COL4A1: variants seen among roughly 807,000 people sequenced by gnomAD.
COL4A1 encodes collagen type IV alpha 1 chain.
In COL4A1, 40 loss-of-function variants were observed where a neutral mutation model predicts 216.6. The observed-to-expected ratio is 0.18, with a 90% CI of 0.14 to 0.24. COL4A1 has a LOEUF of 0.24. Among genes scored for constraint, COL4A1 ranks in the 10% least tolerant of loss-of-function variants. The pLI is 1.00. For synonymous variants in COL4A1, 839 were observed against 810.7 expected, an observed-to-expected ratio of 1.03 and a Z score of -0.59; for missense variants, 1,628 against 2,196.8, an observed-to-expected ratio of 0.74 and a Z score of 5.18.
Position 110,174,551 on chromosome 13 carries a change from A to C in COL4A1, c.3326-25T>G, listed in dbSNP as rs751683978. 4 of 1,614,004 alleles carry C rather than the reference A, an allele frequency of 2.5e-6. No individual in the cohort carries two copies. The East Asian group carries it at 6.7e-5, about 27-fold the overall frequency. ...CCTAAAGAAAAAAACAAAACACCAG[A>C]ACATCCATAAGTTTGGGCTTTTCTT... On this transcript the variant is annotated intron_variant, in intron 38 of 51. Coordinates refer to ENST00000375820, the MANE Select transcript of COL4A1 (RefSeq NM_001845.6).
intron 1 of COL4A1, among the ~76,000 whole-genome samples, chr13:110,247,989 T>C (rs1045206340): frequency 5.9e-5 from 9 of 152,108 alleles, no homozygotes; most frequent in Non-Finnish European, 1.2e-4. Flanking sequence ...TGATGGAAGA[T>C]AGACCTTTAA....
At chr13:110,301,198 G>C (rs9521685) in intron 1 of COL4A1, among the ~76,000 whole-genome samples, 56,491 of 152,152 alleles carry the variant, frequency 0.37, 11,227 homozygotes, top group Middle Eastern at 0.51. Context: ...GGGGTGGACA[G>C]TGTAAGCCAG....
intron 1 of COL4A1, among the ~76,000 whole-genome samples, chr13:110,244,311 GA>G (rs1881693472): frequency 6.6e-6 from 1 of 152,134 alleles, no homozygotes; most frequent in South Asian, 2.1e-4. Context: ...TTATATTTTG[GA>G]AATGGGGACA....
intron 1 of COL4A1, among the ~76,000 whole-genome samples, chr13:110,261,940 G>A (rs1478080657): frequency 6.6e-6 from 1 of 152,210 alleles, no homozygotes; most frequent in East Asian, 1.9e-4. Flanking sequence ...GCACAGGGCA[G>A]GTGGGCACAG....
intron 1 of COL4A1, among the ~76,000 whole-genome samples, chr13:110,276,061 C>A (rs183685220): frequency 6.6e-6 from 1 of 151,894 alleles, no homozygotes; most frequent in Non-Finnish European, 1.5e-5. Context: ...GAACTATGGA[C>A]GGGGGATAGT....
In COL4A1 at chr13:110,176,678, C is replaced by A. The variant is rs570534431; in HGVS notation, c.2916G>T (p.Gly972=). 6.2e-7 allele frequency: 1 copy of A among 1,614,158 alleles called. No homozygotes were observed. Among genetic ancestry groups the A allele is most frequent in the East Asian group, 2.2e-5 (1 of 44,882 alleles). The change falls in exon 35 of 52, where the codon GGG becomes GGT. Residue 972 remains glycine, a synonymous_variant. Transcript: ENST00000375820. ...IGEKGSRGDP[G]TPGVPGKDGQ... ...CGTCCTTTCCAGGCACTCCTGGGGTCCCAGGGTCTCCTCGGGATCCCTTCT... is the reference window on the plus strand; with the variant it reads ...CGTCCTTTCCAGGCACTCCTGGGGTACCAGGGTCTCCTCGGGATCCCTTCT...
In COL4A1 at chr13:110,268,301, C is replaced by T. The variant is rs1883118070; in HGVS notation, c.85-25567G>A. Reference sequence around the variant, plus strand: ...CACTCCTGTGATGAGCACTCTGATGCCTGTCGTGCCAGGCTCAGGAGCTTG... The same window carrying T: ...CACTCCTGTGATGAGCACTCTGATGTCTGTCGTGCCAGGCTCAGGAGCTTG... On this transcript the variant is annotated intron_variant, in intron 1 of 51. Transcript: ENST00000375820. The surrounding 1 kb of genome is among the most constrained non-coding windows in gnomAD (Gnocchi z 4.1). Among the ~76,000 whole-genome samples, 1 of 152,124 alleles carries T rather than the reference C, an allele frequency of 6.6e-6. No homozygotes were observed. The highest frequency in any genetic ancestry group is 2.1e-4 in the South Asian group (1 of 4,830).
intron 1 of COL4A1, among the ~76,000 whole-genome samples, chr13:110,289,085 G>A (rs998771347): frequency 1.3e-5 from 2 of 152,174 alleles, no homozygotes; most frequent in Non-Finnish European, 2.9e-5. Flanking sequence ...GTGGAGAGGA[G>A]AGGACAGAGT....
chr13:110,222,268 G>A (rs544964180), intron 2 of COL4A1, among the ~76,000 whole-genome samples: 2 of 152,282 alleles, frequency 1.3e-5, no homozygotes, highest in South Asian at 4.1e-4. Context: ...TGTTGAAGAA[G>A]TACTCAGACA....
chr13:110,149,119 A>C lies in COL4A1; in HGVS notation c.*1244T>G, dbSNP rs1023566122. On this transcript the variant is annotated 3_prime_UTR_variant, in exon 52 of 52. Transcript: ENST00000375820. The stretch of plus-strand genomic sequence containing the variant: ...TTCTTAAGAAATACACATTTAAAGA[A>C]ATTACATAAAAGGCCTTAGTAGTCT... The C allele has an allele frequency of 1.3e-5, 2 of 154,844 alleles. No individual in the cohort carries two copies. The highest frequency in any genetic ancestry group is 2.9e-5 in the Non-Finnish European group (2 of 68,232). 9.6% of individuals were successfully genotyped at this position (154,844 alleles called of 1,614,324 possible). A position where few individuals can be genotyped will look rare whatever the true frequency, so the allele number is the denominator to read the frequency against.
chr13:110,167,362 T>C (rs1051836457), intron 43 of COL4A1, 132 bp from the exon 44 acceptor site: 22 of 768,916 alleles, frequency 2.9e-5, no homozygotes, highest in Non-Finnish European at 5.0e-5. Flanking sequence ...AATGGTGCCT[T>C]GTGGTTTCTT....
intron 1 of COL4A1, among the ~76,000 whole-genome samples, chr13:110,279,649 A>T (rs1392198405): frequency 6.6e-6 from 1 of 152,194 alleles, no homozygotes; most frequent in Non-Finnish European, 1.5e-5. Flanking sequence ...ACCTCCTAGC[A>T]TCAGAAACCA....
chr13:110,198,108 T>TGA (rs1445332118), intron 21 of COL4A1, among the ~76,000 whole-genome samples: 1 of 151,888 alleles, frequency 6.6e-6, no homozygotes, highest in African/African-American at 2.4e-5. Flanking sequence ...TGTGTGTGTG[T>TGA]GTGTGTGTGT....
intron 2 of COL4A1, among the ~76,000 whole-genome samples, chr13:110,241,416 G>T (rs923824073): frequency 6.6e-6 from 1 of 152,150 alleles, no homozygotes; most frequent in Non-Finnish European, 1.5e-5. Context: ...GGACCCCAAA[G>T]TTCTCCATTT....
At chr13:110,219,880 A>ATATATGTGTATATATGTG (rs1880366670) in intron 2 of COL4A1, among the ~76,000 whole-genome samples, 1 of 103,112 alleles carries the variant, frequency 9.7e-6, no homozygotes, top group African/African-American at 4.1e-5. Flanking sequence ...GTATATATGT[A>ATATATGTGTATATATGTG]TATATATGTG....
intron 2 of COL4A1, among the ~76,000 whole-genome samples, chr13:110,216,748 T>C (rs1880104467): frequency 6.6e-6 from 1 of 152,134 alleles, no homozygotes; most frequent in Admixed American, 6.5e-5. Context: ...GCAAGCCGGT[T>C]CCCAGCAGAA....
At chr13:110,204,811 A>T (rs1000784731) in intron 17 of COL4A1, among the ~76,000 whole-genome samples, 2 of 152,230 alleles carry the variant, frequency 1.3e-5, no homozygotes, top group Non-Finnish European at 2.9e-5. Context: ...ATGACCAGAC[A>T]AGTGAGCAAA....
intron 20 of COL4A1, among the ~76,000 whole-genome samples, chr13:110,200,487 G>A (rs1214278013): frequency 1.3e-5 from 2 of 152,168 alleles, no homozygotes; most frequent in African/African-American, 4.8e-5. Context: ...TGAGGAGGAA[G>A]GCGCCTGACT....
intron 41 of COL4A1, among the ~76,000 whole-genome samples, chr13:110,172,490 G>A (rs551920962): frequency 1.3e-5 from 2 of 152,312 alleles, no homozygotes; most frequent in Non-Finnish European, 2.9e-5. Flanking sequence ...ATTAGTCCAA[G>A]TAAAAGATAA....
Sources: allele counts gnomAD v4.1 joint callset (sites outside exome capture counted in the v4.1 genomes callset), GRCh38; gene constraint gnomAD v4.1.1; non-coding constraint Gnocchi (gnomAD v3.1); transcripts MANE v1.5; gene names NCBI Gene and HGNC (gene_info 2026-07-23, HGNC 2026-07-21).